Variants in SCAPER observed in about 807,000 individuals in gnomAD.
SCAPER encodes S phase cyclin A-associated protein in the endoplasmic reticulum.
Under a neutral mutation model 182.2 loss-of-function variants are expected in SCAPER, and 98 were observed. The ratio of observed to expected loss-of-function variants is 0.54; its 90% confidence interval spans 0.46 to 0.64. SCAPER has a LOEUF of 0.64. SCAPER is among the 30% of genes least tolerant of loss of function. SCAPER has a pLI of 0.00. For missense variants in SCAPER, 1,432 were observed against 1,690.0 expected, an observed-to-expected ratio of 0.85 and a Z score of 2.68; for synonymous variants, 605 against 564.6, an observed-to-expected ratio of 1.07 and a Z score of -1.01.
At chr15:76,763,269 A>G (rs914078159) in intron 14 of SCAPER, among the ~76,000 whole-genome samples, 1 of 137,948 alleles carries the variant, frequency 7.2e-6, no homozygotes, top group Non-Finnish European at 1.5e-5. Flanking sequence ...TTTTTCTTTC[A>G]GTACTTTGAA....
chr15:76,706,169 G>C (rs1022334566), intron 17 of SCAPER, among the ~76,000 whole-genome samples, 185 bp from the exon 18 acceptor site: 1 of 152,138 alleles, frequency 6.6e-6, no homozygotes, highest in Non-Finnish European at 1.5e-5. Flanking sequence ...AAACAATAGA[G>C]ATTATCAGTT....
At chr15:76,584,279 G>A (rs969510969) in intron 22 of SCAPER, among the ~76,000 whole-genome samples, 2 of 150,210 alleles carry the variant, frequency 1.3e-5, no homozygotes, top group Non-Finnish European at 2.9e-5. Flanking sequence ...GGTAAGGGTA[G>A]TGGGGAAGTG....
intron 29 of SCAPER, among the ~76,000 whole-genome samples, chr15:76,366,619 CCA>C (rs1164337163): frequency 6.6e-6 from 1 of 152,058 alleles, no homozygotes; most frequent in African/African-American, 2.4e-5. Flanking sequence ...GAGCCATTCT[CCA>C]GTTTCTTTTC....
At chr15:76,481,049 T>C (rs2051093557) in intron 24 of SCAPER, among the ~76,000 whole-genome samples, 1 of 152,218 alleles carries the variant, frequency 6.6e-6, no homozygotes, top group South Asian at 2.1e-4. Flanking sequence ...TACTTTTTAA[T>C]GCTGATTTGA....
chr15:76,689,479 G>A (rs139810793), intron 20 of SCAPER, among the ~76,000 whole-genome samples: 1 of 151,926 alleles, frequency 6.6e-6, no homozygotes, highest in African/African-American at 2.4e-5. Flanking sequence ...TCTAATCTAA[G>A]ACAGTAATTT....
At chr15:76,586,238 A>G (rs2048646642) in intron 22 of SCAPER, among the ~76,000 whole-genome samples, 2 of 152,298 alleles carry the variant, frequency 1.3e-5, no homozygotes, top group South Asian at 2.1e-4. Context: ...GTAAAAAAAG[A>G]TACTTGGTCC....
chr15:76,617,810 C>T (rs1187993063), intron 22 of SCAPER, among the ~76,000 whole-genome samples: 1 of 152,132 alleles, frequency 6.6e-6, no homozygotes, highest in East Asian at 1.9e-4. Context: ...AAACAGAGTC[C>T]ACTTCTTGAT....
chr15:76,459,053 C>G (rs1381400489), intron 25 of SCAPER, among the ~76,000 whole-genome samples: 2 of 152,028 alleles, frequency 1.3e-5, no homozygotes, highest in Non-Finnish European at 2.9e-5. Context: ...TGCCACCATG[C>G]CTGGCAAATT....
At chr15:76,429,348 C>A (rs917183310) in intron 26 of SCAPER, among the ~76,000 whole-genome samples, 1 of 152,086 alleles carries the variant, frequency 6.6e-6, no homozygotes, top group Non-Finnish European at 1.5e-5. Context: ...GACTTTGGAA[C>A]TGGGTAACAG....
chr15:76,815,311 A>G (rs998422306), intron 5 of SCAPER, among the ~76,000 whole-genome samples: 2 of 152,212 alleles, frequency 1.3e-5, no homozygotes, highest in Non-Finnish European at 2.9e-5. Context: ...CTGCACTCCT[A>G]TGTTTATTTG....
chr15:76,853,200 A>C (rs1477132861), intron 4 of SCAPER, among the ~76,000 whole-genome samples: 2 of 152,128 alleles, frequency 1.3e-5, no homozygotes, highest in African/African-American at 4.8e-5. Context: ...CCTACCAACC[A>C]AAAAAAGCCC....
At chr15:76,779,843 A>T (rs555566544) in intron 8 of SCAPER, among the ~76,000 whole-genome samples, 1 of 152,358 alleles carries the variant, frequency 6.6e-6, no homozygotes, top group Admixed American at 6.5e-5. Context: ...ATAAGCTATG[A>T]CCAAGTGAAA....
rs150990338 is a variant in SCAPER at position 76,755,687 on chromosome 15, A to G, written c.1726-1739T>C. 2.1e-3 allele frequency among the ~76,000 whole-genome samples: 313 copies of G among 152,312 alleles called. 1 individual carries two copies. The highest frequency in any genetic ancestry group is 4.4e-3 in the South Asian group (21 of 4,824). Reference sequence around the variant, plus strand: ...GGACTGTGACCAAAAGAATACAGCAAAAGTGATGTTATAAAACTCAGCACA... The same window carrying G: ...GGACTGTGACCAAAAGAATACAGCAGAAGTGATGTTATAAAACTCAGCACA... On this transcript the variant is annotated intron_variant, in intron 14 of 31. Transcript: ENST00000563290.
intron 22 of SCAPER, among the ~76,000 whole-genome samples, chr15:76,610,781 CATAA>C (rs760708790): frequency 3.9e-5 from 6 of 152,038 alleles, no homozygotes; most frequent in Non-Finnish European, 7.4e-5. Flanking sequence ...TTTAAAAAGA[CATAA>C]ATAAATAGAT....
At chr15:76,549,895 G>A (rs1048275517) in intron 23 of SCAPER, among the ~76,000 whole-genome samples, 1 of 152,142 alleles carries the variant, frequency 6.6e-6, no homozygotes, top group Non-Finnish European at 1.5e-5. Context: ...TGACATTAAT[G>A]TAAGTAAGGA....
intron 5 of SCAPER, among the ~76,000 whole-genome samples, chr15:76,839,931 T>A (rs1201653112): frequency 2.6e-5 from 4 of 152,202 alleles, no homozygotes; most frequent in Non-Finnish European, 4.4e-5. Flanking sequence ...CAGTCATTTG[T>A]TATTTTTAAA....
At chr15:76,848,971 G>A (rs1293178425) in intron 4 of SCAPER, among the ~76,000 whole-genome samples, 2 of 152,146 alleles carry the variant, frequency 1.3e-5, no homozygotes, top group Non-Finnish European at 2.9e-5. Flanking sequence ...GGCTCCCAAA[G>A]GCATACGACA....
chr15:76,618,359 G>A (rs180757973), intron 22 of SCAPER, among the ~76,000 whole-genome samples: 13 of 152,282 alleles, frequency 8.5e-5, no homozygotes, highest in Admixed American at 7.8e-4. Flanking sequence ...TCCATTAGCT[G>A]AGTCCTATCT....
chr15:76,619,560 T>C (rs1038715882), intron 22 of SCAPER, among the ~76,000 whole-genome samples: 10 of 152,208 alleles, frequency 6.6e-5, no homozygotes, highest in Non-Finnish European at 1.5e-4. Flanking sequence ...ATTTGTTTTA[T>C]GCATTCTCTG....
Sources: allele counts gnomAD v4.1 joint callset (sites outside exome capture counted in the v4.1 genomes callset), GRCh38; gene constraint gnomAD v4.1.1; transcripts MANE v1.5; gene names NCBI Gene and HGNC (gene_info 2026-07-23, HGNC 2026-07-21).